The following IL12RB1 variants were observed in gnomAD, a reference collection of about 807,000 sequenced individuals.
The protein encoded by IL12RB1 is interleukin 12 receptor subunit beta 1.
A neutral mutation model predicts 94.4 loss-of-function variants in IL12RB1; 64 were observed. The observed-to-expected ratio is 0.68, with a 90% confidence interval of 0.55 to 0.83. IL12RB1 has a LOEUF of 0.83. Ranked by LOEUF, IL12RB1 falls within the 40% of genes least tolerant of loss-of-function variation. The probability of loss-of-function intolerance (pLI) is 0.00; values close to 1 mark genes in which losing one functional copy is unlikely to be tolerated. For synonymous variants in IL12RB1, 362 were observed against 355.5 expected (o/e 1.02, Z -0.21); for missense variants, 814 against 855.6 (o/e 0.95, Z 0.61).
intron 1 of IL12RB1, among the ~76,000 whole-genome samples, chr19:18,092,184 C>CTTT (rs112888209): frequency 3.9e-5 from 5 of 129,438 alleles, no homozygotes; most frequent in African/African-American, 1.1e-4. Context: ...GACCATCCAG[C>CTTT]TTTTTTTTTT....
At chr19:18,087,132 C>T (rs1321330578), upstream of IL12RB1, 3 of 473,472 alleles carry the variant, frequency 6.3e-6, no homozygotes, top group African/African-American at 5.9e-5. Flanking sequence ...GAACTGAACA[C>T]CCAGATGCCA....
rs376538454 is a variant in IL12RB1 at position 18,068,551 on chromosome 19, C to T, written c.1190-25G>A. On this transcript the variant is annotated intron_variant, in intron 10 of 16. Transcript: ENST00000593993. ...GCTGGAAGGATAAGCAAAGGCCAGGCCATTCAGTAGATTGTGTTCCCACCT... is the reference window on the plus strand; with the variant it reads ...GCTGGAAGGATAAGCAAAGGCCAGGTCATTCAGTAGATTGTGTTCCCACCT... 8 of 1,605,848 alleles carry T rather than the reference C, an allele frequency of 5.0e-6. No homozygotes were observed. The African/African-American group carries it at 6.7e-5, about 13-fold the overall frequency.
upstream of IL12RB1, chr19:18,087,042 G>T: frequency 1.1e-6 from 1 of 935,736 alleles, no homozygotes; most frequent in Non-Finnish European, 1.6e-6. Flanking sequence ...GGTGATGGTG[G>T]CGGCCACAGA....
rs537723976 is a variant in IL12RB1 at position 18,079,765 on chromosome 19, C to T, written c.409+1067G>A. On this transcript the variant is annotated intron_variant, in intron 4 of 16. Transcript: ENST00000593993. ...ACAAAAACTTAGCCGGGCGCGGTGGCGGGCGCCTGTAGTCCCAGCTACTGG... is the reference window on the plus strand; with the variant it reads ...ACAAAAACTTAGCCGGGCGCGGTGGTGGGCGCCTGTAGTCCCAGCTACTGG... Among the ~76,000 whole-genome samples, 7 of 152,110 alleles carry T rather than the reference C, an allele frequency of 4.6e-5. No homozygotes were observed. In the East Asian group the frequency reaches 1.2e-3, roughly 26 times the overall value.
chr19:18,096,873 G>A (rs945593316), intron 1 of IL12RB1, among the ~76,000 whole-genome samples: 24 of 150,580 alleles, frequency 1.6e-4, no homozygotes, highest in Admixed American at 3.3e-4. Flanking sequence ...GGCCATATGC[G>A]GTGGCTGACA....
At position 18,097,828 on chromosome 19, in the gene IL12RB1, C is replaced by G. The variant is rs930003395; in HGVS notation, c.-230+927G>C. Reference sequence around the variant, plus strand: ...CGAGCCTCCTGCGGCGCCGCGGGCTCCAGGTGAGGCCCCTGCGCGGGCGGG... The same window carrying G: ...CGAGCCTCCTGCGGCGCCGCGGGCTGCAGGTGAGGCCCCTGCGCGGGCGGG... On this transcript the variant is annotated intron_variant, in intron 1 of 4. Transcript: ENST00000594176. The G allele has an allele frequency of 2.4e-6, 3 of 1,227,940 alleles. No homozygotes were observed. In the South Asian group the frequency reaches 1.2e-4, roughly 50 times the overall value. 76.1% of individuals were successfully genotyped at this position (1,227,940 alleles called of 1,614,324 possible).
upstream of IL12RB1, among the ~76,000 whole-genome samples, chr19:18,087,540 G>C (rs1379138941): frequency 1.3e-5 from 2 of 151,678 alleles, no homozygotes; most frequent in Non-Finnish European, 2.9e-5. Flanking sequence ...TTTTGAGATA[G>C]GGTCTTGATC....
chr19:18,063,858 C>G lies in IL12RB1; in HGVS notation c.1618+18G>C. The G allele has an allele frequency of 6.2e-7, 1 of 1,610,996 alleles. No homozygotes were observed. The highest frequency in any genetic ancestry group is 8.5e-7 in the Non-Finnish European group (1 of 1,178,296). On this transcript the variant is annotated intron_variant, in intron 13 of 16. Transcript: ENST00000593993. ...GTGCATGCTGGGTAAATAACTGGGT[C>G]CTACCCCCTCCACTCACCGATGCTG...
intron 2 of IL12RB1, 46 bp from the exon 3 acceptor site, chr19:18,082,310 G>T: frequency 8.9e-7 from 1 of 1,121,668 alleles, no homozygotes; most frequent in South Asian, 1.3e-5. Context: ...AGTCTGGAGG[G>T]GTCTTCGTGC....
chr19:18,085,940 G>T (rs957856076), intron 1 of IL12RB1, among the ~76,000 whole-genome samples: 2 of 151,948 alleles, frequency 1.3e-5, no homozygotes, highest in Non-Finnish European at 2.9e-5. Context: ...GGAAGGCTGG[G>T]CATGGTGGCT....
At chr19:18,064,134 CTTTCTTTTTTTTT>C in intron 12 of IL12RB1, 124 bp from the exon 13 acceptor site, 5 of 418,098 alleles carry the variant, frequency 1.2e-5, no homozygotes, top group Non-Finnish European at 1.7e-5. Flanking sequence ...TCTACTCTTT[CTTTCTTTTTTTTT>C]TTTTTTTTTT....
intron 13 of IL12RB1, among the ~76,000 whole-genome samples, chr19:18,063,064 CTT>C (rs2034270375): frequency 8.9e-6 from 1 of 112,536 alleles, no homozygotes; most frequent in African/African-American, 4.2e-5. Context: ...CTTTCTTCTC[CTT>C]CTTCTTCTTC....
chr19:18,068,854 T>C (rs774834585), intron 10 of IL12RB1, among the ~76,000 whole-genome samples: 1 of 151,790 alleles, frequency 6.6e-6, no homozygotes, highest in Non-Finnish European at 1.5e-5. Context: ...GTTCAAGCGA[T>C]TCTCCTGTCT....
intron 12 of IL12RB1, among the ~76,000 whole-genome samples, 179 bp from the exon 13 acceptor site, chr19:18,064,189 G>C (rs919827579): frequency 1.4e-5 from 2 of 141,910 alleles, no homozygotes; most frequent in Non-Finnish European, 3.0e-5. Flanking sequence ...GCCCAGGCTG[G>C]AGTGTAGTGG....
At chr19:18,096,399 C>T (rs903889836) in intron 1 of IL12RB1, among the ~76,000 whole-genome samples, 2 of 121,834 alleles carry the variant, frequency 1.6e-5, no homozygotes, top group Admixed American at 1.7e-4. Context: ...GGCAATCATC[C>T]TCAAAAAAGA....
chr19:18,096,066 A>G (rs1424439310), intron 1 of IL12RB1, among the ~76,000 whole-genome samples: 1 of 151,990 alleles, frequency 6.6e-6, no homozygotes, highest in African/African-American at 2.4e-5. Flanking sequence ...TCTACAAAAA[A>G]AACCCAAAAA....
At chr19:18,077,928 C>T (rs1225076516) in intron 4 of IL12RB1, among the ~76,000 whole-genome samples, 1 of 152,106 alleles carries the variant, frequency 6.6e-6, no homozygotes, top group Non-Finnish European at 1.5e-5. Context: ...GCCTGGGCAA[C>T]ATAGTGAGAC....
chr19:18,094,974 T>A (rs2036821158), intron 1 of IL12RB1, among the ~76,000 whole-genome samples: 1 of 152,036 alleles, frequency 6.6e-6, no homozygotes, highest in African/African-American at 2.4e-5. Flanking sequence ...GGTCAGGAGT[T>A]TGAGACCAGC....
At position 18,072,330 on chromosome 19, in the gene IL12RB1, G is replaced by T; in HGVS notation, c.803C>A (p.Pro268Gln). The T allele has an allele frequency of 6.2e-7, 1 of 1,613,782 alleles. No homozygotes were observed. Among genetic ancestry groups the T allele is most frequent in the Non-Finnish European group, 8.5e-7 (1 of 1,179,780 alleles). ...LKEQPTQLEL[P>Q]EGCQGLAPGT... ...AGGCGCCAGCCCTTGACAGCCTTCT[G>T]GAAGCTCCAGCTGGGTTGGCTGTCA... The change falls in exon 9 of 17, where the codon CCA becomes CAA. Residue 268 changes from proline (P) to glutamine (Q), a missense_variant. Coordinates refer to ENST00000593993, the MANE Select transcript of IL12RB1 (RefSeq NM_005535.3).
Sources: allele counts gnomAD v4.1 joint callset (sites outside exome capture counted in the v4.1 genomes callset), GRCh38; gene constraint gnomAD v4.1.1; transcripts MANE v1.5; gene names NCBI Gene and HGNC (gene_info 2026-07-23, HGNC 2026-07-21).